Variants in CCDC91 observed in about 807,000 individuals in gnomAD.
The protein encoded by CCDC91 is coiled-coil domain-containing protein 91.
A neutral mutation model predicts 63.2 loss-of-function variants in CCDC91; 48 were observed. The ratio of observed to expected loss-of-function variants is 0.76; its 90% CI spans 0.60 to 0.97. The LOEUF (loss-of-function observed/expected upper bound fraction) is 0.97. Among genes scored for constraint, CCDC91 ranks in the 50% least tolerant of loss-of-function variants. The probability of loss-of-function intolerance (pLI) is 0.00; values close to 1 mark genes in which losing one functional copy is unlikely to be tolerated. For missense variants in CCDC91, 500 were observed against 494.6 expected, an observed-to-expected ratio of 1.01 and a Z score of -0.10; for synonymous variants, 167 against 165.8, an observed-to-expected ratio of 1.01 and a Z score of -0.06.
chr12:28,472,187 G>A (rs77399372), intron 11 of CCDC91, among the ~76,000 whole-genome samples: 8 of 152,298 alleles, frequency 5.3e-5, no homozygotes, highest in East Asian at 3.9e-4. Context: ...GAAGAGACAA[G>A]CACTCCTATC....
At chr12:28,247,135 T>C (rs988555105) in intron 1 of CCDC91, among the ~76,000 whole-genome samples, 1 of 152,120 alleles carries the variant, frequency 6.6e-6, no homozygotes, top group African/African-American at 2.4e-5. Context: ...CTGATGGAGA[T>C]GAGGATGATA....
At chr12:28,262,931 CCT>C (rs532965394) in intron 3 of CCDC91, among the ~76,000 whole-genome samples, 6 of 151,958 alleles carry the variant, frequency 3.9e-5, no homozygotes, top group Non-Finnish European at 5.9e-5. Context: ...TAAGCATTTT[CCT>C]CTCTGTTTCA....
chr12:28,523,062 T>C (rs1940889279), intron 12 of CCDC91, among the ~76,000 whole-genome samples: 1 of 152,168 alleles, frequency 6.6e-6, no homozygotes, highest in South Asian at 2.1e-4. Context: ...TGATTTGGGG[T>C]GGAGAGTTCT....
At chr12:28,236,228 C>G (rs1353100469) in intron 1 of CCDC91, 2 of 151,698 alleles carry the variant, frequency 1.3e-5, no homozygotes, top group African/African-American at 4.8e-5. Context: ...TGCCCTTTCT[C>G]TTTGTGATTG....
At chr12:28,403,748 T>A (rs1267722198) in intron 8 of CCDC91, among the ~76,000 whole-genome samples, 1 of 152,144 alleles carries the variant, frequency 6.6e-6, no homozygotes, top group East Asian at 1.9e-4. Context: ...TTCTTGTGTG[T>A]TTCAGCAAAT....
At chr12:28,363,556 C>G (rs1592432917) in intron 7 of CCDC91, among the ~76,000 whole-genome samples, 1 of 152,070 alleles carries the variant, frequency 6.6e-6, no homozygotes. Flanking sequence ...AAGTTAATGT[C>G]ATTTTAGTTG....
chr12:28,289,741 G>T (rs1239104714), intron 3 of CCDC91, among the ~76,000 whole-genome samples: 1 of 143,162 alleles, frequency 7.0e-6, no homozygotes, highest in Non-Finnish European at 1.5e-5. Flanking sequence ...GCCCAGGCTG[G>T]AGTGCAGTGG....
chr12:28,375,504 G>A (rs776652405), intron 7 of CCDC91, among the ~76,000 whole-genome samples: 1 of 151,796 alleles, frequency 6.6e-6, no homozygotes, highest in Non-Finnish European at 1.5e-5. Context: ...TAAATAGATT[G>A]CTACAGATTG....
intron 12 of CCDC91, among the ~76,000 whole-genome samples, chr12:28,509,091 T>C (rs573434155): frequency 6.6e-6 from 1 of 152,056 alleles, no homozygotes; most frequent in African/African-American, 2.4e-5. Flanking sequence ...TGTGGACTGC[T>C]TTCTGTATGC....
intron 7 of CCDC91, among the ~76,000 whole-genome samples, chr12:28,368,881 C>T (rs901515504): frequency 1.3e-5 from 2 of 151,900 alleles, no homozygotes; most frequent in Non-Finnish European, 2.9e-5. Flanking sequence ...TTTAAACCGT[C>T]AGATCTTATG....
chr12:28,425,042 TA>T (rs761474292), intron 8 of CCDC91, among the ~76,000 whole-genome samples: 12 of 152,272 alleles, frequency 7.9e-5, no homozygotes, highest in Admixed American at 1.3e-4. Context: ...GTTAAAAACC[TA>T]TTGTGATTTT....
chr12:28,501,048 A>T (rs1937771812), intron 12 of CCDC91, among the ~76,000 whole-genome samples: 1 of 151,790 alleles, frequency 6.6e-6, no homozygotes, highest in Non-Finnish European at 1.5e-5. Context: ...ATACACTATT[A>T]TTTAACTATA....
rs1212020153 is a variant in CCDC91, at chr12:28,441,805, A to T, written c.763-8356A>T. Reference sequence around the variant, plus strand: ...TATATGGTCAGAGGAAAATATCAGAACACTTGTTGCTTTGGGGAAAGGGAA... The same window carrying T: ...TATATGGTCAGAGGAAAATATCAGATCACTTGTTGCTTTGGGGAAAGGGAA... On this transcript the variant is annotated intron_variant, in intron 8 of 12. Transcript: ENST00000536442. Among the ~76,000 whole-genome samples, 3 of 151,440 alleles carry T rather than the reference A, an allele frequency of 2.0e-5. No homozygotes were observed. The East Asian group carries it at 5.8e-4, about 29-fold the overall frequency.
At chr12:28,195,987 C>G (rs1941732455) in intron 1 of CCDC91, among the ~76,000 whole-genome samples, 1 of 152,078 alleles carries the variant, frequency 6.6e-6, no homozygotes, top group Non-Finnish European at 1.5e-5. Context: ...CACCTGTAGT[C>G]CCTGATACTT....
At chr12:28,485,378 C>A (rs1202677581) in intron 12 of CCDC91, among the ~76,000 whole-genome samples, 1 of 151,904 alleles carries the variant, frequency 6.6e-6, no homozygotes, top group Non-Finnish European at 1.5e-5. Flanking sequence ...GTTGTCCAGG[C>A]TGGTCTTGAA....
At chr12:28,300,737 C>G (rs547639528) in intron 3 of CCDC91, among the ~76,000 whole-genome samples, 1 of 151,452 alleles carries the variant, frequency 6.6e-6, no homozygotes, top group Non-Finnish European at 1.5e-5. Flanking sequence ...ATGTTCTATC[C>G]TATTACAAGA....
intron 12 of CCDC91, among the ~76,000 whole-genome samples, chr12:28,501,759 T>G (rs944805865): frequency 1.3e-5 from 2 of 151,962 alleles, no homozygotes; most frequent in African/African-American, 4.8e-5. Flanking sequence ...TTCTATTGAT[T>G]GGAATAGTTT....
At chr12:28,347,083 T>C (rs1942864188) in intron 6 of CCDC91, among the ~76,000 whole-genome samples, 1 of 152,236 alleles carries the variant, frequency 6.6e-6, no homozygotes, top group East Asian at 1.9e-4. Context: ...ACCATGGATT[T>C]CTCACATCAA....
chr12:28,365,904 G>C (rs1340207526), intron 7 of CCDC91, among the ~76,000 whole-genome samples: 2 of 152,098 alleles, frequency 1.3e-5, no homozygotes, highest in African/African-American at 2.4e-5. Context: ...GGGATCTTAC[G>C]TCTTTCTAGT....
Sources: allele counts gnomAD v4.1 joint callset (sites outside exome capture counted in the v4.1 genomes callset), GRCh38; gene constraint gnomAD v4.1.1; transcripts MANE v1.5; gene names NCBI Gene and HGNC (gene_info 2026-07-23, HGNC 2026-07-21).